The following GRIK1 variants were observed in gnomAD, a reference collection of about 807,000 sequenced individuals.
GRIK1 encodes the protein glutamate ionotropic receptor kainate type subunit 1, also known as glutamate receptor ionotropic, kainate 1.
GRIK1 carries 69 observed loss-of-function variants against 105.7 expected under a neutral mutation model. The observed-to-expected ratio is 0.65, with a 90% CI of 0.54 to 0.80. GRIK1 has a LOEUF of 0.80. Ranked by LOEUF, GRIK1 falls within the 30% of genes least tolerant of loss-of-function variation. The pLI is 0.00. For missense variants in GRIK1, 1,109 were observed against 1,167.3 expected (o/e 0.95, Z 0.73); for synonymous variants, 438 against 431.3 (o/e 1.02, Z -0.19).
chr21:29,612,607 A>G (rs758385124), intron 7 of GRIK1, among the ~76,000 whole-genome samples: 88 of 152,224 alleles, frequency 5.8e-4, no homozygotes, highest in South Asian at 8.3e-4. Context: ...TGAGATATCA[A>G]TGATGCTTGG....
At chr21:29,852,439 C>T (rs2068337963) in intron 1 of GRIK1, among the ~76,000 whole-genome samples, 1 of 152,208 alleles carries the variant, frequency 6.6e-6, no homozygotes, top group Non-Finnish European at 1.5e-5. Context: ...AGACTTCCTT[C>T]ATCCTGCAAC....
intron 1 of GRIK1, chr21:29,748,097 T>A (rs1356118996): frequency 6.6e-6 from 1 of 152,250 alleles, no homozygotes; most frequent in African/African-American, 2.4e-5. Context: ...AGTATTCATT[T>A]AAGTTCTTGG....
At chr21:29,546,143 A>T (rs768751070) in intron 16 of GRIK1, among the ~76,000 whole-genome samples, 4 of 152,090 alleles carry the variant, frequency 2.6e-5, no homozygotes, top group Admixed American at 6.5e-5. Context: ...TGAGATGACC[A>T]TGGTCCCAGT....
chr21:29,681,087 C>T (rs1181543965), intron 3 of GRIK1, among the ~76,000 whole-genome samples: 2 of 152,126 alleles, frequency 1.3e-5, no homozygotes, highest in East Asian at 1.9e-4. Context: ...GAGCCGAGAT[C>T]GCACCACTGC....
At chr21:29,793,796 G>C (rs1228687427) in intron 1 of GRIK1, among the ~76,000 whole-genome samples, 1 of 152,146 alleles carries the variant, frequency 6.6e-6, no homozygotes, top group Non-Finnish European at 1.5e-5. Flanking sequence ...TTATAGCGGT[G>C]CTCCACAGAT....
chr21:29,679,901 G>A (rs1451079695), intron 3 of GRIK1, among the ~76,000 whole-genome samples: 2 of 152,146 alleles, frequency 1.3e-5, no homozygotes, highest in East Asian at 1.9e-4. Flanking sequence ...TATGGCATTT[G>A]TCTTGTGTCT....
At chr21:29,557,571 A>T (rs776241205) in intron 15 of GRIK1, among the ~76,000 whole-genome samples, 4 of 152,212 alleles carry the variant, frequency 2.6e-5, no homozygotes, top group Admixed American at 6.5e-5. Context: ...GTCATTTGTT[A>T]TCAGTTTTCC....
intron 3 of GRIK1, among the ~76,000 whole-genome samples, chr21:29,678,799 T>C (rs1427358660): frequency 1.3e-5 from 2 of 152,174 alleles, no homozygotes; most frequent in African/African-American, 4.8e-5. Context: ...TGAGTGGTGA[T>C]GACAGAAGGT....
At chr21:29,787,115 A>G (rs565307851) in intron 1 of GRIK1, among the ~76,000 whole-genome samples, 1 of 152,352 alleles carries the variant, frequency 6.6e-6, no homozygotes, top group East Asian at 1.9e-4. Flanking sequence ...GGCGATTTTA[A>G]GATGATCTGT....
intron 1 of GRIK1, among the ~76,000 whole-genome samples, chr21:29,915,891 C>G (rs459518): frequency 0.23 from 35,446 of 151,688 alleles, 4,937 homozygotes; most frequent in African/African-American, 0.39. Flanking sequence ...AATTATTTTT[C>G]AACATTCTAG....
chr21:29,876,501 T>C (rs2069197447), intron 1 of GRIK1, among the ~76,000 whole-genome samples: 1 of 152,212 alleles, frequency 6.6e-6, no homozygotes, highest in African/African-American at 2.4e-5. Flanking sequence ...TTTTTCATCA[T>C]TTTATTCATT....
chr21:29,799,317 G>A (rs1386278095), intron 1 of GRIK1, among the ~76,000 whole-genome samples: 3 of 152,096 alleles, frequency 2.0e-5, no homozygotes, highest in Admixed American at 1.3e-4. Flanking sequence ...ACCACATGGC[G>A]CTGTTATGCT....
intron 1 of GRIK1, among the ~76,000 whole-genome samples, chr21:29,734,790 T>A (rs2064746524): frequency 6.6e-6 from 1 of 152,222 alleles, no homozygotes; most frequent in Non-Finnish European, 1.5e-5. Flanking sequence ...ATAGCTCTAA[T>A]GACCTCTGCA....
chr21:29,677,208 G>A (rs913794264), intron 3 of GRIK1, among the ~76,000 whole-genome samples: 3 of 152,182 alleles, frequency 2.0e-5, no homozygotes, highest in African/African-American at 7.2e-5. Context: ...ATGAATCTAG[G>A]TGAAGGGTGT....
At chr21:29,774,854 C>T (rs948956366) in intron 1 of GRIK1, among the ~76,000 whole-genome samples, 1 of 152,158 alleles carries the variant, frequency 6.6e-6, no homozygotes, top group Non-Finnish European at 1.5e-5. Context: ...TCGGAGGACG[C>T]TGAGCTTGGT....
At chr21:29,909,471 A>G (rs998603510) in intron 1 of GRIK1, among the ~76,000 whole-genome samples, 2 of 151,668 alleles carry the variant, frequency 1.3e-5, no homozygotes, top group African/African-American at 2.4e-5. Flanking sequence ...AAAATAATTA[A>G]TAGAATATTT....
At chr21:29,707,652 C>T (rs2063950782) in intron 1 of GRIK1, among the ~76,000 whole-genome samples, 2 of 152,008 alleles carry the variant, frequency 1.3e-5, no homozygotes, top group Admixed American at 6.5e-5. Context: ...TTCGCCACCA[C>T]ACCCAGCTAA....
intron 7 of GRIK1, among the ~76,000 whole-genome samples, chr21:29,634,447 T>C (rs1468478235): frequency 6.6e-6 from 1 of 152,238 alleles, no homozygotes; most frequent in African/African-American, 2.4e-5. Context: ...AATTAGGAAC[T>C]ATTTATATAG....
At chr21:29,674,889 G>A (rs984427844) in intron 3 of GRIK1, among the ~76,000 whole-genome samples, 1 of 152,110 alleles carries the variant, frequency 6.6e-6, no homozygotes, top group Non-Finnish European at 1.5e-5. Context: ...AGAATAGTAG[G>A]CTTCCTGGAT....
Sources: allele counts gnomAD v4.1 joint callset (sites outside exome capture counted in the v4.1 genomes callset), GRCh38; gene constraint gnomAD v4.1.1; transcripts MANE v1.5; gene names NCBI Gene and HGNC (gene_info 2026-07-23, HGNC 2026-07-21).